Variants in LTN1 observed in about 807,000 individuals in gnomAD.
LTN1 encodes listerin E3 ubiquitin protein ligase 1.
In LTN1, 88 loss-of-function variants were observed where a neutral mutation model predicts 201.2. The ratio of observed to expected loss-of-function variants is 0.44; its 90% CI spans 0.37 to 0.52. LTN1 has a LOEUF of 0.52. LTN1 is among the 20% of genes least tolerant of loss of function. The pLI is 0.00. For missense variants in LTN1, 1,752 were observed against 2,038.7 expected, an observed-to-expected ratio of 0.86 and a Z score of 2.71; for synonymous variants, 645 against 713.5, an observed-to-expected ratio of 0.90 and a Z score of 1.53.
chr21:28,974,243 C>T (rs1003683552), intron 6 of LTN1, among the ~76,000 whole-genome samples: 1 of 152,112 alleles, frequency 6.6e-6, no homozygotes, highest in African/African-American at 2.4e-5. Context: ...AAAGGCAAGC[C>T]ATATACTGGA....
intron 25 of LTN1, among the ~76,000 whole-genome samples, chr21:28,938,057 G>A: frequency 6.6e-6 from 1 of 151,576 alleles, no homozygotes; most frequent in Non-Finnish European, 1.5e-5. Context: ...AGAAAAGAAA[G>A]GTATAGAAAT....
At position 28,945,850 on chromosome 21, in the gene LTN1, C is replaced by T. The variant is rs763714814; in HGVS notation, c.3725G>A (p.Ser1242Asn). ...LKYCSSPLAESEWDFIMCSML... is the reference protein window; with the variant it reads ...LKYCSSPLAENEWDFIMCSML... ...GGAGCACATGATGAAGTCCCACTCA[C>T]TCTCTGCCAAAGGGGATGAGCAGTA... Residue 1242 changes from serine (S) to asparagine (N), a missense_variant, in exon 21 of 30, where the codon AGT (serine) becomes AAT (asparagine). Transcript: ENST00000361371. 9.9e-6 allele frequency: 16 copies of T among 1,613,822 alleles called. No individual in the cohort carries two copies. The highest frequency in any genetic ancestry group is 1.4e-5 in the Non-Finnish European group (16 of 1,179,816).
rs750807418 is a variant in LTN1, at chr21:28,966,952, C to G, written c.1539G>C (p.Leu513Phe). The change falls in exon 10 of 30, where the codon TTG becomes TTC. Residue 513 changes from leucine to phenylalanine, a missense_variant. Coordinates refer to ENST00000361371, the MANE Select transcript of LTN1 (RefSeq NM_015565.3). Reference sequence around the variant, plus strand: ...GCACCTGTAATAGGTTAGATACACCCAAAACGGACTCAACATCAGCTTCTG... The same window carrying G: ...GCACCTGTAATAGGTTAGATACACCGAAAACGGACTCAACATCAGCTTCTG... ...SEPEADVESV[L>F]GVSNLLQVLQ... The G allele has an allele frequency of 3.1e-6, 5 of 1,613,836 alleles. No individual in the cohort carries two copies. The highest frequency in any genetic ancestry group is 1.7e-5 in the Admixed American group (1 of 59,934).
At chr21:28,963,473 A>G (rs1321763857) in intron 11 of LTN1, among the ~76,000 whole-genome samples, 1 of 152,232 alleles carries the variant, frequency 6.6e-6, no homozygotes, top group Non-Finnish European at 1.5e-5. Flanking sequence ...TCTTAAGCCC[A>G]CTGTTGGAAA....
Position 28,986,010 on chromosome 21 carries a change from T to G in LTN1, c.345+129A>C, listed in dbSNP as rs1489010555. The G allele has an allele frequency of 4.9e-6, 3 of 611,612 alleles. No individual in the cohort carries two copies. Among genetic ancestry groups the G allele is most frequent in the South Asian group, 3.9e-5 (2 of 51,096 alleles). 37.9% of individuals were successfully genotyped at this position (611,612 alleles called of 1,614,324 possible). A position where few individuals can be genotyped will look rare whatever the true frequency, so the allele number is the denominator to read the frequency against. On this transcript the variant is annotated intron_variant, in intron 3 of 29. Transcript: ENST00000361371. The surrounding 1 kb of genome is among the most constrained non-coding windows in gnomAD (Gnocchi z 4.1). ...CTCTTCTCAAGTGTTAACAATTCAA[T>G]CTGCATAACAATGCTGACATAACAT...
intron 16 of LTN1, among the ~76,000 whole-genome samples, chr21:28,954,839 A>T (rs759733321): frequency 6.6e-6 from 1 of 152,212 alleles, no homozygotes; most frequent in Non-Finnish European, 1.5e-5. Flanking sequence ...TAAAACAACT[A>T]GAAAGCATCA....
intron 27 of LTN1, among the ~76,000 whole-genome samples, chr21:28,933,559 T>G (rs1185651497): frequency 1.3e-5 from 2 of 152,298 alleles, no homozygotes; most frequent in South Asian, 4.1e-4. Flanking sequence ...CCCTTGGGAC[T>G]CCTACGCATT....
At chr21:28,987,772 C>T (rs1251817484) in intron 1 of LTN1, among the ~76,000 whole-genome samples, 1 of 152,208 alleles carries the variant, frequency 6.6e-6, no homozygotes, top group Non-Finnish European at 1.5e-5. Context: ...AAGCTGACAT[C>T]ACAACCCATC....
intron 25 of LTN1, among the ~76,000 whole-genome samples, chr21:28,939,121 T>G (rs2084277920): frequency 6.6e-6 from 1 of 152,142 alleles, no homozygotes; most frequent in South Asian, 2.1e-4. Context: ...ATAAAAATAC[T>G]AAAAACTTTA....
rs529154128 is a variant in LTN1 at position 28,982,318 on chromosome 21, C to A, written c.627G>T (p.Pro209=). 25 of 1,611,360 alleles carry A rather than the reference C, an allele frequency of 1.6e-5. No individual in the cohort carries two copies. The highest frequency in any genetic ancestry group is 2.1e-5 in the Non-Finnish European group (25 of 1,177,632). ...IKETPDTLSD[P]QTVPEEEREA... is the part of the protein sequence containing the mutation. ...TACAATGAAACAATACAACTTACTG[C>A]GGGTCACTGAGTGTATCAGGTGTTT... The change falls in exon 5 of 30, where the codon CCG becomes CCT. Residue 209 remains proline (P), a splice_region_variant and synonymous_variant. Coordinates refer to ENST00000361371, the MANE Select transcript of LTN1 (RefSeq NM_015565.3).
intron 1 of LTN1, among the ~76,000 whole-genome samples, chr21:28,987,855 T>A (rs1422196295): frequency 6.6e-6 from 1 of 152,148 alleles, no homozygotes; most frequent in Non-Finnish European, 1.5e-5. Flanking sequence ...TTCAAATTGC[T>A]CATACCGGCC....
chr21:28,932,334 ATC>A (rs1414563821), intron 28 of LTN1, 134 bp downstream of exon 28: 2 of 740,894 alleles, frequency 2.7e-6, no homozygotes, highest in East Asian at 5.0e-5. Context: ...ATTTAGGCAT[ATC>A]TCTGTATTTA....
intron 24 of LTN1, 56 bp downstream of exon 24, chr21:28,943,206 A>G (rs2084310860): frequency 2.9e-6 from 3 of 1,049,806 alleles, no homozygotes; most frequent in Admixed American, 1.9e-5. Flanking sequence ...TAAAGACATT[A>G]TAAGTGAGAT....
In LTN1 at chr21:28,946,105, T is replaced by C. The variant is rs763317105; in HGVS notation, c.3623+47A>G. The C allele has an allele frequency of 3.9e-6, 6 of 1,524,990 alleles. No homozygotes were observed. In the African/African-American group the frequency reaches 4.2e-5, roughly 11 times the overall value. The allele number at this position is 1,524,990 out of a possible 1,614,324, so 94.5% of individuals were successfully genotyped here. A position where few individuals can be genotyped will look rare whatever the true frequency, so the allele number is the denominator to read the frequency against. Reference sequence around the variant, plus strand: ...TTGTGACACAGATACGTAATCTTTGTCTGAATTGTATACTGAAGGAAAAAC... The same window carrying C: ...TTGTGACACAGATACGTAATCTTTGCCTGAATTGTATACTGAAGGAAAAAC... On this transcript the variant is annotated intron_variant, in intron 20 of 29. Coordinates refer to ENST00000361371, the MANE Select transcript of LTN1 (RefSeq NM_015565.3).
In LTN1 at chr21:28,946,292, A is replaced by G; in HGVS notation, c.3488-5T>C. On this transcript the variant is annotated splice_polypyrimidine_tract_variant and splice_region_variant and intron_variant, in intron 19 of 29. Transcript: ENST00000361371. Reference sequence around the variant, plus strand: ...TGGCAAGATGTCCAAAACCTCCTAAAGTAAAATTCAAAATGAAAATTAAAA... The same window carrying G: ...TGGCAAGATGTCCAAAACCTCCTAAGGTAAAATTCAAAATGAAAATTAAAA... The G allele has an allele frequency of 6.5e-7, 1 of 1,537,228 alleles. No individual in the cohort carries two copies. The highest frequency in any genetic ancestry group is 8.7e-7 in the Non-Finnish European group (1 of 1,149,126).
At position 28,984,795 on chromosome 21, in the gene LTN1, G is replaced by C. The variant is rs2084684218; in HGVS notation, c.473C>G (p.Thr158Ser). Reference sequence around the variant, plus strand: ...TGCTGCAAACGCAGCTGGTGTGTAAGTATCACACTGAGCCATTAGCCAATA... The same window carrying C: ...TGCTGCAAACGCAGCTGGTGTGTAACTATCACACTGAGCCATTAGCCAATA... ...MGYWLMAQCD[T>S]YTPAAFAAKD... Residue 158 changes from threonine to serine, a missense_variant, in exon 4 of 30, where the codon ACT becomes AGT. Physicochemically the swap from Thr to Ser is moderately conservative, Grantham distance 58 (BLOSUM62 1). This residue lies in a region of LTN1 where 280 missense variants were observed against 375.7 expected (regional missense o/e 0.75). Transcript: ENST00000361371. The C allele has an allele frequency of 6.2e-7, 1 of 1,613,992 alleles. No homozygotes were observed. The highest frequency in any genetic ancestry group is 1.3e-5 in the African/African-American group (1 of 75,054).
intron 6 of LTN1, among the ~76,000 whole-genome samples, chr21:28,972,795 A>C (rs1288088304): frequency 6.6e-6 from 1 of 152,204 alleles, no homozygotes; most frequent in Non-Finnish European, 1.5e-5. Context: ...GAAATACACC[A>C]AGTCAAAGAT....
intron 18 of LTN1, among the ~76,000 whole-genome samples, chr21:28,950,201 T>G (rs2084371585): frequency 6.6e-6 from 1 of 152,178 alleles, no homozygotes; most frequent in African/African-American, 2.4e-5. Context: ...TCTTCCCACC[T>G]TCTTTTGTGA....
chr21:28,992,703 T>C (rs2084757272), intron 1 of LTN1, 61 bp downstream of exon 1: 6 of 1,598,882 alleles, frequency 3.8e-6, no homozygotes, highest in African/African-American at 1.3e-5. Flanking sequence ...AGCAACGCGC[T>C]GGGCGGAGCC....
Sources: gnomAD v4.1 joint callset for allele counts (sites outside exome capture counted in the v4.1 genomes callset) on GRCh38, gnomAD v4.1.1 for gene constraint, gnomAD v4.1.1 regional missense constraint, Gnocchi (gnomAD v3.1) non-coding constraint, MANE v1.5 for transcripts, NCBI Gene and HGNC (gene_info 2026-07-23, HGNC 2026-07-21) for gene names.